Variants in TBC1D5 observed in about 807,000 individuals in gnomAD.
The protein encoded by TBC1D5 is TBC1 domain family member 5.
In TBC1D5, 75 loss-of-function variants were observed where a neutral mutation model predicts 100.3. That is an observed-to-expected ratio of 0.75 (90% confidence interval 0.62 to 0.91). The LOEUF is 0.91. Among genes scored for constraint, TBC1D5 ranks in the 40% least tolerant of loss-of-function variants. The pLI is 0.00. For missense variants in TBC1D5, 910 were observed against 942.4 expected (o/e 0.97, Z 0.45); for synonymous variants, 323 against 325.6 (o/e 0.99, Z 0.09).
intron 13 of TBC1D5, among the ~76,000 whole-genome samples, chr3:17,370,990 G>A (rs1275402304): frequency 1.3e-5 from 2 of 151,818 alleles, no homozygotes; most frequent in Non-Finnish European, 2.9e-5. Flanking sequence ...TTTGTCTGTA[G>A]CAGTGCATAG....
chr3:17,391,396 GA>G (rs1248764151), intron 8 of TBC1D5, among the ~76,000 whole-genome samples: 1 of 152,032 alleles, frequency 6.6e-6, no homozygotes, highest in Admixed American at 6.6e-5. Context: ...GCAATCTCAT[GA>G]AACACTCCTA....
intron 1 of TBC1D5, among the ~76,000 whole-genome samples, chr3:17,706,415 C>G (rs1251703411): frequency 8.1e-6 from 1 of 123,214 alleles, no homozygotes; most frequent in Admixed American, 8.5e-5. Flanking sequence ...CTAGAATCAA[C>G]TTTACTTACA....
At chr3:17,644,146 A>T (rs997280015) in intron 1 of TBC1D5, 1 of 152,142 alleles carries the variant, frequency 6.6e-6, no homozygotes. Flanking sequence ...ATAAGCTTAA[A>T]TTATTCACTT....
intron 13 of TBC1D5, among the ~76,000 whole-genome samples, chr3:17,368,667 A>G (rs1273472332): frequency 2.0e-5 from 3 of 151,462 alleles, no homozygotes. Flanking sequence ...AATTTCTAAT[A>G]TTTTACTTTT....
At chr3:17,548,803 G>A (rs901592335) in intron 2 of TBC1D5, among the ~76,000 whole-genome samples, 1 of 152,034 alleles carries the variant, frequency 6.6e-6, no homozygotes, top group East Asian at 1.9e-4. Flanking sequence ...AATTATATGT[G>A]TTACTTAAGC....
intron 4 of TBC1D5, among the ~76,000 whole-genome samples, chr3:17,411,692 A>G (rs952320698): frequency 6.6e-5 from 10 of 152,190 alleles, no homozygotes; most frequent in Non-Finnish European, 4.4e-5. Context: ...CATCTTGTCA[A>G]GTTAAGCAGG....
At chr3:17,421,506 G>GA (rs1322253892) in intron 4 of TBC1D5, among the ~76,000 whole-genome samples, 3 of 151,040 alleles carry the variant, frequency 2.0e-5, no homozygotes, top group East Asian at 1.9e-4. Context: ...TTTAGAACTA[G>GA]AAAAAAAAAT....
chr3:17,334,926 A>G lies in TBC1D5; in HGVS notation c.996-26792T>C, dbSNP rs1031396009. 4.6e-4 allele frequency among the ~76,000 whole-genome samples: 70 copies of G among 152,144 alleles called. 1 individual carries two copies. Among genetic ancestry groups the G allele is most frequent in the Admixed American group, 4.0e-3 (61 of 15,264 alleles). The stretch of plus-strand genomic sequence containing the variant: ...TCAATTTTGGGGGGAAAATCTACAG[A>G]TAAGGCACAGATAAGCCAATCAGCT... On this transcript the variant is annotated intron_variant, in intron 13 of 21. Coordinates refer to ENST00000253692, the Ensembl canonical transcript of TBC1D5.
intron 2 of TBC1D5, among the ~76,000 whole-genome samples, chr3:17,540,595 G>A (rs2096341659): frequency 1.3e-5 from 2 of 151,924 alleles, no homozygotes; most frequent in Non-Finnish European, 2.9e-5. Flanking sequence ...CCACTGAATA[G>A]TCCTGGTACT....
At chr3:17,735,117 T>C (rs1406627039) in intron 1 of TBC1D5, among the ~76,000 whole-genome samples, 1 of 151,960 alleles carries the variant, frequency 6.6e-6, no homozygotes, top group Non-Finnish European at 1.5e-5. Context: ...AAATGAAAAA[T>C]AAAGATGAGA....
At chr3:17,554,665 T>C (rs1488477634) in intron 2 of TBC1D5, among the ~76,000 whole-genome samples, 1 of 152,196 alleles carries the variant, frequency 6.6e-6, no homozygotes, top group Non-Finnish European at 1.5e-5. Context: ...ACTTGGGTAC[T>C]GAGTAAAAAC....
At chr3:17,633,473 G>A (rs955204890) in intron 1 of TBC1D5, among the ~76,000 whole-genome samples, 7 of 151,988 alleles carry the variant, frequency 4.6e-5, no homozygotes, top group Middle Eastern at 3.2e-3. Context: ...CCTAATTTAG[G>A]TCAGAGAATA....
intron 15 of TBC1D5, among the ~76,000 whole-genome samples, chr3:17,288,392 GAC>G (rs1306463586): frequency 2.0e-5 from 3 of 152,160 alleles, no homozygotes; most frequent in Non-Finnish European, 4.4e-5. Flanking sequence ...TCCAGCCAAA[GAC>G]AGTTTAAAGC....
intron 1 of TBC1D5, among the ~76,000 whole-genome samples, chr3:17,703,907 T>TGG (rs1370637376): frequency 3.7e-5 from 4 of 107,328 alleles, no homozygotes; most frequent in South Asian, 3.6e-4. Flanking sequence ...ATTTGTGTTT[T>TGG]TTTTTTGTTT....
intron 21 of TBC1D5, among the ~76,000 whole-genome samples, chr3:17,163,224 A>T (rs1427515736): frequency 6.6e-6 from 1 of 151,472 alleles, no homozygotes; most frequent in Non-Finnish European, 1.5e-5. Flanking sequence ...GTTAGAGCTG[A>T]CAGGGCCTTA....
chr3:17,227,830 T>C (rs1559449998), intron 17 of TBC1D5, among the ~76,000 whole-genome samples: 1 of 151,078 alleles, frequency 6.6e-6, no homozygotes, highest in Admixed American at 6.6e-5. Flanking sequence ...CCTGCACATG[T>C]ACCACTGAAC....
chr3:17,635,617 T>C (rs561759414), intron 1 of TBC1D5, among the ~76,000 whole-genome samples: 1 of 151,934 alleles, frequency 6.6e-6, no homozygotes, highest in East Asian at 1.9e-4. Flanking sequence ...AAGGTGGAGG[T>C]TGCAGTGAGC....
At chr3:17,324,076 T>C (rs1265203711) in intron 13 of TBC1D5, among the ~76,000 whole-genome samples, 1 of 152,192 alleles carries the variant, frequency 6.6e-6, no homozygotes, top group Non-Finnish European at 1.5e-5. Flanking sequence ...GGCAAATGGA[T>C]GGTCTTTTTC....
chr3:17,167,785 T>G (rs1327981818), exon 20 of TBC1D5: 2 of 1,612,314 alleles, frequency 1.2e-6, no homozygotes, highest in African/African-American at 2.7e-5. Context: ...GAATTTGATC[T>G]TCTTTTTCCA....
Sources: allele counts gnomAD v4.1 joint callset (sites outside exome capture counted in the v4.1 genomes callset), GRCh38; gene constraint gnomAD v4.1.1; transcripts MANE v1.5; gene names NCBI Gene and HGNC (gene_info 2026-07-23, HGNC 2026-07-21).